Variants in FER observed in about 807,000 individuals in gnomAD.
FER encodes the protein FER tyrosine kinase, also known as tyrosine-protein kinase Fer.
FER carries 63 observed loss-of-function variants against 111.0 expected under a neutral mutation model. That is an observed-to-expected ratio of 0.57 (90% CI 0.46 to 0.70). The LOEUF is 0.70. FER is among the 30% of genes least tolerant of loss of function. The pLI is 0.00. For missense variants in FER, 914 were observed against 954.0 expected (o/e 0.96, Z 0.55); for synonymous variants, 327 against 313.9 (o/e 1.04, Z -0.44).
intron 17 of FER, among the ~76,000 whole-genome samples, chr5:109,121,905 A>G (rs1751028656): frequency 6.6e-6 from 1 of 152,076 alleles, no homozygotes; most frequent in African/African-American, 2.4e-5. Flanking sequence ...AGTAGCCGCT[A>G]ATGATCCTTT....
chr5:108,756,172 AAT>A (rs1199070297), intron 1 of FER, among the ~76,000 whole-genome samples: 5 of 144,166 alleles, frequency 3.5e-5, no homozygotes, highest in African/African-American at 7.6e-5. Context: ...AAAAAAAAAA[AAT>A]AATAATAATA....
chr5:108,776,978 C>A (rs1320949758), intron 2 of FER, among the ~76,000 whole-genome samples: 1 of 152,146 alleles, frequency 6.6e-6, no homozygotes, highest in Non-Finnish European at 1.5e-5. Context: ...ACTTACTATG[C>A]AGGAAATCAT....
intron 16 of FER, among the ~76,000 whole-genome samples, chr5:109,063,716 G>A (rs73213525): frequency 3.9e-5 from 6 of 152,086 alleles, no homozygotes; most frequent in Admixed American, 2.6e-4. Flanking sequence ...CGTTGCAAAC[G>A]GATTACTAAA....
intron 2 of FER, among the ~76,000 whole-genome samples, chr5:108,772,276 G>C (rs578181345): frequency 9.3e-6 from 1 of 107,690 alleles, no homozygotes; most frequent in Non-Finnish European, 2.1e-5. Context: ...TTAATGCAGT[G>C]GTTCGTATTC....
At chr5:108,819,140 C>T (rs1458098430) in intron 3 of FER, among the ~76,000 whole-genome samples, 6 of 150,674 alleles carry the variant, frequency 4.0e-5, no homozygotes, top group East Asian at 1.9e-4. Context: ...CTCAGCCTCC[C>T]GAGTAGCAGG....
At chr5:109,085,455 A>AT (rs372809899) in intron 16 of FER, among the ~76,000 whole-genome samples, 7,625 of 140,898 alleles carry the variant, frequency 0.054, 238 homozygotes, top group African/African-American at 0.078. Context: ...AATCTGGTGG[A>AT]TTTTTTTTTT....
At chr5:109,150,619 G>A (rs1250985907) in intron 17 of FER, among the ~76,000 whole-genome samples, 12 of 152,162 alleles carry the variant, frequency 7.9e-5, no homozygotes, top group Non-Finnish European at 1.6e-4. Context: ...GGCCTGGCTA[G>A]CTCTTATAAG....
At chr5:109,041,972 G>C (rs923680310) in intron 14 of FER, among the ~76,000 whole-genome samples, 1 of 152,092 alleles carries the variant, frequency 6.6e-6, no homozygotes. Flanking sequence ...CCACCATTTG[G>C]GTCTTCTCAA....
chr5:109,020,570 T>A (rs1044722108), intron 13 of FER, among the ~76,000 whole-genome samples: 2 of 152,022 alleles, frequency 1.3e-5, no homozygotes, highest in Non-Finnish European at 2.9e-5. Flanking sequence ...AATTTTTTGG[T>A]TACTAAAATT....
intron 13 of FER, among the ~76,000 whole-genome samples, chr5:108,983,595 G>T (rs1762239301): frequency 6.6e-6 from 1 of 152,076 alleles, no homozygotes; most frequent in Non-Finnish European, 1.5e-5. Flanking sequence ...ACATTAAGCA[G>T]ATGAGTAGTA....
intron 1 of FER, among the ~76,000 whole-genome samples, chr5:108,755,244 C>T (rs183839192): frequency 4.3e-4 from 65 of 152,338 alleles, no homozygotes; most frequent in Admixed American, 6.5e-4. Context: ...CTGGCTTAAT[C>T]ACAAAGCTTG....
rs995144491 is a variant in FER at position 109,188,544 on chromosome 5, CAGAGT to C, written c.*971_*975del. 1 of 152,014 alleles carries C rather than the reference CAGAGT, an allele frequency of 6.6e-6. No homozygotes were observed. Among genetic ancestry groups the C allele is most frequent in the Non-Finnish European group, 1.5e-5 (1 of 68,010 alleles). 9.4% of individuals were successfully genotyped at this position (152,014 alleles called of 1,614,324 possible). A position where few individuals can be genotyped will look rare whatever the true frequency, so the allele number is the denominator to read the frequency against. On this transcript the variant is annotated 3_prime_UTR_variant, in exon 20 of 20. Coordinates refer to ENST00000281092, the MANE Select transcript of FER (RefSeq NM_005246.4). ...AACAGAGCAGCTAAAGAATGATTAA[CAGAGT>C]AAAGAAGAAAGTGAAAATATAAAAC...
intron 17 of FER, among the ~76,000 whole-genome samples, chr5:109,104,560 A>G (rs1359983581): frequency 1.3e-5 from 2 of 152,130 alleles, no homozygotes; most frequent in Non-Finnish European, 2.9e-5. Flanking sequence ...AGGAGTAAGA[A>G]GATTCCAACT....
At chr5:108,801,727 A>G (rs1473538331) in intron 3 of FER, among the ~76,000 whole-genome samples, 4 of 152,144 alleles carry the variant, frequency 2.6e-5, no homozygotes, top group African/African-American at 4.8e-5. Context: ...CAAACTCAGC[A>G]TATGTTTTTT....
intron 18 of FER, among the ~76,000 whole-genome samples, chr5:109,182,015 G>T (rs1374039539): frequency 5.3e-5 from 8 of 152,142 alleles, no homozygotes; most frequent in African/African-American, 1.9e-4. Flanking sequence ...GCGATATCTT[G>T]TGTCTGGCTT....
At chr5:109,109,442 C>T (rs189235966) in intron 17 of FER, among the ~76,000 whole-genome samples, 2 of 152,022 alleles carry the variant, frequency 1.3e-5, no homozygotes, top group Non-Finnish European at 2.9e-5. Context: ...TTGTCCATTA[C>T]TTAGTACTCA....
At chr5:108,872,552 G>T (rs1764699329) in intron 8 of FER, among the ~76,000 whole-genome samples, 3 of 152,040 alleles carry the variant, frequency 2.0e-5, no homozygotes, top group Non-Finnish European at 4.4e-5. Context: ...AAATTAGGTT[G>T]TTTACTGTTA....
At chr5:108,803,316 A>C (rs113869436) in intron 3 of FER, among the ~76,000 whole-genome samples, 4,265 of 152,112 alleles carry the variant, frequency 0.028, 85 homozygotes, top group Middle Eastern at 0.061. Context: ...CTTTTGTTGT[A>C]TAGAAGCTCT....
intron 10 of FER, among the ~76,000 whole-genome samples, chr5:108,919,190 A>C (rs939416066): frequency 1.3e-5 from 2 of 151,252 alleles, no homozygotes; most frequent in African/African-American, 4.8e-5. Context: ...CATTTTACTC[A>C]TTGATATCTT....
Sources: allele counts gnomAD v4.1 joint callset (sites outside exome capture counted in the v4.1 genomes callset), GRCh38; gene constraint gnomAD v4.1.1; transcripts MANE v1.5; gene names NCBI Gene and HGNC (gene_info 2026-07-23, HGNC 2026-07-21).